TP53I11: variants seen among roughly 807,000 people sequenced by gnomAD.
The protein encoded by TP53I11 is tumor protein p53 inducible protein 11, also known as tumor protein p53-inducible protein 11.
A neutral mutation model predicts 23.3 loss-of-function variants in TP53I11; 9 were observed. The observed-to-expected ratio is 0.39, with a 90% CI of 0.23 to 0.67. TP53I11 has a LOEUF of 0.67. Ranked by LOEUF, TP53I11 falls within the 30% of genes least tolerant of loss-of-function variation. TP53I11 has a pLI of 0.48. For missense variants in TP53I11, 170 were observed against 255.2 expected, an observed-to-expected ratio of 0.67 and a Z score of 2.27; for synonymous variants, 100 against 106.1, an observed-to-expected ratio of 0.94 and a Z score of 0.35.
At chr11:44,942,033 C>CACA (rs58649962) in intron 1 of TP53I11, among the ~76,000 whole-genome samples, 1 of 141,388 alleles carries the variant, frequency 7.1e-6, no homozygotes, top group Non-Finnish European at 1.5e-5. Flanking sequence ...ACACCACACA[C>CACA]CACACACATA....
chr11:44,935,515 G>A, intron 6 of TP53I11, 46 bp downstream of exon 6: 2 of 1,576,412 alleles, frequency 1.3e-6, no homozygotes, highest in South Asian at 1.1e-5. Context: ...CAGGTCAGGG[G>A]CGAAGCGGCC....
At chr11:44,948,439 G>T (rs1014639383) in intron 1 of TP53I11, among the ~76,000 whole-genome samples, 1 of 152,088 alleles carries the variant, frequency 6.6e-6, no homozygotes, top group Non-Finnish European at 1.5e-5. Flanking sequence ...TAGCTCAAAA[G>T]TTACCTCCTC....
At chr11:44,947,814 T>C (rs1862537395) in intron 1 of TP53I11, among the ~76,000 whole-genome samples, 1 of 151,838 alleles carries the variant, frequency 6.6e-6, no homozygotes, top group Non-Finnish European at 1.5e-5. Context: ...GGTGTAATAA[T>C]GACACCAACC....
chr11:44,949,615 C>T (rs1436592073), intron 1 of TP53I11, among the ~76,000 whole-genome samples: 1 of 152,092 alleles, frequency 6.6e-6, no homozygotes, highest in Non-Finnish European at 1.5e-5. Context: ...AGCGAGGGGA[C>T]CCAAGGCGAG....
At chr11:44,937,122 G>A (rs936575842) in intron 4 of TP53I11, 182 bp downstream of exon 4, 16 of 826,386 alleles carry the variant, frequency 1.9e-5, no homozygotes, top group Non-Finnish European at 2.7e-5. Context: ...GGGATCTAGT[G>A]TGCTCCTGGA....
intron 1 of TP53I11, among the ~76,000 whole-genome samples, chr11:44,941,262 G>A (rs1293060006): frequency 6.6e-6 from 1 of 152,212 alleles, no homozygotes; most frequent in Non-Finnish European, 1.5e-5. Context: ...GCTAGCCACT[G>A]ATTAGAGCAA....
intron 1 of TP53I11, among the ~76,000 whole-genome samples, chr11:44,939,761 G>C (rs534751744): frequency 1.3e-3 from 198 of 152,328 alleles, no homozygotes; most frequent in South Asian, 8.7e-3. Context: ...TGCTATTGGC[G>C]GTCTTTAGTG....
At chr11:44,941,850 C>T (rs1464544646) in intron 1 of TP53I11, among the ~76,000 whole-genome samples, 2 of 152,250 alleles carry the variant, frequency 1.3e-5, no homozygotes, top group East Asian at 3.9e-4. Flanking sequence ...GCCCACCAGG[C>T]CCAGGCTGTG....
chr11:44,936,987 C>G lies in TP53I11; in HGVS notation c.238-88G>C, dbSNP rs569454001. 832 of 979,176 alleles carry G rather than the reference C, an allele frequency of 8.5e-4. 7 individuals are homozygous for G. In the African/African-American group the frequency reaches 0.013, roughly 15 times the overall value. 60.7% of individuals were successfully genotyped at this position (979,176 alleles called of 1,614,324 possible). ...GCTTCCCACAGACGTCTTCCTTCCC[C>G]GCCAGGAGCAGGATCAGCATCCTTG... On this transcript the variant is annotated intron_variant, in intron 4 of 6. Coordinates refer to ENST00000525680, the MANE Select transcript of TP53I11 (RefSeq NM_006034.5). This position sits in a 1 kb window ranked among gnomAD's most constrained non-coding sequence, Gnocchi z 4.4.
chr11:44,940,805 T>C (rs1861675275), intron 1 of TP53I11: 1 of 152,206 alleles, frequency 6.6e-6, no homozygotes, highest in African/African-American at 2.4e-5. Context: ...TGTTGGACTT[T>C]CAGAGAAAGC....
intron 4 of TP53I11, 150 bp from the exon 5 acceptor site, chr11:44,937,049 C>A: frequency 1.4e-6 from 1 of 734,520 alleles, no homozygotes; most frequent in Admixed American, 2.7e-5. Context: ...TGTCCCCACC[C>A]GCCCCCATGC....
chr11:44,935,177 C>G (rs1411794907), intron 6 of TP53I11, among the ~76,000 whole-genome samples, 160 bp from the exon 7 acceptor site: 2 of 152,172 alleles, frequency 1.3e-5, no homozygotes, highest in Non-Finnish European at 2.9e-5. Context: ...CTGCCCCTGC[C>G]AACCCCACAG....
chr11:44,940,356 A>T (rs537346195), intron 1 of TP53I11, among the ~76,000 whole-genome samples: 10 of 152,332 alleles, frequency 6.6e-5, no homozygotes, highest in Admixed American at 3.9e-4. Flanking sequence ...CCAGCTCCAG[A>T]TCAAGACAAC....
chr11:44,942,132 C>T (rs1478463958), intron 1 of TP53I11, among the ~76,000 whole-genome samples: 3 of 148,270 alleles, frequency 2.0e-5, no homozygotes, highest in Non-Finnish European at 4.5e-5. Flanking sequence ...CACACAAACC[C>T]ACCACACATA....
intron 1 of TP53I11, among the ~76,000 whole-genome samples, chr11:44,939,852 G>A (rs901716674): frequency 3.3e-5 from 5 of 152,186 alleles, no homozygotes; most frequent in Non-Finnish European, 5.9e-5. Flanking sequence ...GAGTGGATAC[G>A]CCTTTCTCCT....
chr11:44,950,188 ACTC>A (rs1302224348), intron 1 of TP53I11: 5 of 151,906 alleles, frequency 3.3e-5, no homozygotes, highest in Admixed American at 1.3e-4. Flanking sequence ...TGCGCCGCGC[ACTC>A]CTCCTGCCGG....
At chr11:44,937,374 T>G in intron 3 of TP53I11, 22 bp from the exon 4 acceptor site, 1 of 1,472,978 alleles carries the variant, frequency 6.8e-7, no homozygotes, top group Non-Finnish European at 9.0e-7. Flanking sequence ...GGAAAGAAGA[T>G]CACAGCCCTG....
intron 1 of TP53I11, among the ~76,000 whole-genome samples, chr11:44,944,628 T>C (rs1399937927): frequency 6.6e-6 from 1 of 152,130 alleles, no homozygotes; most frequent in Admixed American, 6.5e-5. Flanking sequence ...TTGGGAAAAC[T>C]TGGGCTCAAA....
intron 1 of TP53I11, among the ~76,000 whole-genome samples, chr11:44,942,349 C>A (rs535539752): frequency 1.4e-4 from 21 of 146,842 alleles, no homozygotes; most frequent in African/African-American, 2.8e-4. Context: ...ACACACACAC[C>A]CCCACAACAC....
Sources: allele counts gnomAD v4.1 joint callset (sites outside exome capture counted in the v4.1 genomes callset), GRCh38; gene constraint gnomAD v4.1.1; non-coding constraint Gnocchi (gnomAD v3.1); transcripts MANE v1.5; gene names NCBI Gene and HGNC (gene_info 2026-07-23, HGNC 2026-07-21).